The following LARP6 variants were observed in gnomAD, a reference collection of about 807,000 sequenced individuals.
LARP6 encodes the protein La ribonucleoprotein 6, translational regulator, also known as la-related protein 6.
A neutral mutation model predicts 32.8 loss-of-function variants in LARP6; 18 were observed. The ratio of observed to expected loss-of-function variants is 0.55; its 90% CI spans 0.38 to 0.81. The LOEUF is 0.81. Ranked by LOEUF, LARP6 falls within the 40% of genes least tolerant of loss-of-function variation. The probability of loss-of-function intolerance (pLI) is 0.00; values close to 1 mark genes in which losing one functional copy is unlikely to be tolerated. For synonymous variants in LARP6, 289 were observed against 267.2 expected (o/e 1.08, Z -0.80); for missense variants, 598 against 663.1 (o/e 0.90, Z 1.08).
rs1364066403 is a variant in LARP6, at chr15:70,836,435, C to T, written c.271G>A (p.Glu91Lys). The change falls in exon 2 of 3, where the codon GAG (glutamate) becomes AAG (lysine). Residue 91 changes from glutamate (E) to lysine (K), a missense_variant. By Grantham distance (56) the Glu-to-Lys change is moderately conservative. Around this residue, in one of 3 missense-constraint regions of LARP6, gnomAD observed 161 missense variants for 148.6 expected, o/e 1.08. Coordinates refer to ENST00000299213, the MANE Select transcript of LARP6 (RefSeq NM_018357.4). ...TGATCCACCAGTTTCTTGATCAACT[C>T]CTCATCCGGGGGCTTCCACTCCTGC... The part of the protein sequence containing the change: ...LEQEWKPPDE[E>K]LIKKLVDQIE... The T allele has an allele frequency of 6.2e-7, 1 of 1,614,166 alleles. No individual in the cohort carries two copies. Among genetic ancestry groups the T allele is most frequent in the Non-Finnish European group, 8.5e-7 (1 of 1,180,024 alleles).
chr15:70,831,109 C>A lies in LARP6; in HGVS notation c.*943G>T, dbSNP rs1183475798. 6.6e-6 allele frequency: 1 copy of A among 152,356 alleles called. No homozygotes were observed. Among genetic ancestry groups the A allele is most frequent in the East Asian group, 1.9e-4 (1 of 5,174 alleles). 9.4% of individuals were successfully genotyped at this position (152,356 alleles called of 1,614,324 possible). On this transcript the variant is annotated 3_prime_UTR_variant, in exon 3 of 3. Transcript: ENST00000299213. ...TAAAACCCAAATTCCAGGCCTTTCTCCCAGACTTTCTAATTCAGTGGGCCT... is the reference window on the plus strand; with the variant it reads ...TAAAACCCAAATTCCAGGCCTTTCTACCAGACTTTCTAATTCAGTGGGCCT...
At chr15:70,849,783 G>A (rs1358027386) in intron 1 of LARP6, 4 of 152,138 alleles carry the variant, frequency 2.6e-5, no homozygotes, top group African/African-American at 4.8e-5. Context: ...ATAAGCTTGA[G>A]GAAGAGCCCT....
rs566263431 is a variant in LARP6 at position 70,830,413 on chromosome 15, G to T, written c.*1639C>A. 3 of 152,356 alleles carry T rather than the reference G, an allele frequency of 2.0e-5. No homozygotes were observed. The South Asian group carries it at 6.2e-4, about 32-fold the overall frequency. 9.4% of individuals were successfully genotyped at this position (152,356 alleles called of 1,614,324 possible). On this transcript the variant is annotated 3_prime_UTR_variant, in exon 3 of 3. Coordinates refer to ENST00000299213, the MANE Select transcript of LARP6 (RefSeq NM_018357.4). ...ATGTGTCTAACCCAATGCCTAGCAC[G>T]TAGGAAGGTGCTGAATAAATATTAG...
chr15:70,836,637 G>C, intron 1 of LARP6, 132 bp from the exon 2 acceptor site: 1 of 699,860 alleles, frequency 1.4e-6, no homozygotes, highest in Non-Finnish European at 2.5e-6. Flanking sequence ...CACTGCAGAT[G>C]CAATTAATTA....
intron 1 of LARP6, among the ~76,000 whole-genome samples, chr15:70,837,538 G>T (rs1440500332): frequency 6.6e-6 from 1 of 152,204 alleles, no homozygotes; most frequent in Non-Finnish European, 1.5e-5. Context: ...GTATAGCAGA[G>T]TTACTTGACC....
chr15:70,840,205 A>C (rs2032226271), intron 1 of LARP6, among the ~76,000 whole-genome samples: 1 of 152,208 alleles, frequency 6.6e-6, no homozygotes, highest in African/African-American at 2.4e-5. Context: ...AACAAATTTC[A>C]CTTTATTAGG....
At position 70,832,994 on chromosome 15, in the gene LARP6, G is replaced by A. The variant is rs766611090; in HGVS notation, c.534C>T (p.Asn178=). 32 of 1,612,488 alleles carry A rather than the reference G, an allele frequency of 2.0e-5. No homozygotes were observed. In the South Asian group the frequency reaches 2.3e-4, roughly 12 times the overall value. The change falls in exon 3 of 3, where the codon AAC becomes AAT. Residue 178 remains asparagine, a synonymous_variant. Coordinates refer to ENST00000299213, the MANE Select transcript of LARP6 (RefSeq NM_018357.4). ...GGAGCATCTTGCTGGGGAGGTTCTC[G>A]TTGGGGAACAGTGGGACGGGGGTGG... The part of the protein sequence containing the change: ...RRTTPVPLFP[N]ENLPSKMLLV...
rs1249863891 is a variant in LARP6, at chr15:70,830,418, A to T, written c.*1634T>A. ...TCTAACCCAATGCCTAGCACGTAGG[A>T]AGGTGCTGAATAAATATTAGCACCT... On this transcript the variant is annotated 3_prime_UTR_variant, in exon 3 of 3. Coordinates refer to ENST00000299213, the MANE Select transcript of LARP6 (RefSeq NM_018357.4). 6 of 152,230 alleles carry T rather than the reference A, an allele frequency of 3.9e-5. No homozygotes were observed. In the East Asian group the frequency reaches 1.2e-3, roughly 29 times the overall value. 9.4% of individuals were successfully genotyped at this position (152,230 alleles called of 1,614,324 possible). A position where few individuals can be genotyped will look rare whatever the true frequency, so the allele number is the denominator to read the frequency against.
intron 1 of LARP6, among the ~76,000 whole-genome samples, chr15:70,845,292 C>G (rs1274401720): frequency 6.6e-6 from 1 of 152,170 alleles, no homozygotes; most frequent in Non-Finnish European, 1.5e-5. Context: ...ATTAAGCTGT[C>G]ATGTCTCCTG....
intron 1 of LARP6, among the ~76,000 whole-genome samples, chr15:70,850,233 GAA>G (rs1365603709): frequency 6.6e-6 from 1 of 152,148 alleles, no homozygotes; most frequent in Non-Finnish European, 1.5e-5. Context: ...TCCTATCAAA[GAA>G]AAGCTCAAGG....
Position 70,836,505 on chromosome 15 carries a change from A to G in LARP6, c.201T>C (p.Ser67=), listed in dbSNP as rs576300460. The G allele has an allele frequency of 5.0e-5, 81 of 1,613,422 alleles. No homozygotes were observed. The South Asian group carries it at 8.2e-4, about 16-fold the overall frequency. Residue 67 remains serine (S), a splice_region_variant and synonymous_variant, in exon 2 of 3, where the codon AGT becomes AGC. Coordinates refer to ENST00000299213, the MANE Select transcript of LARP6 (RefSeq NM_018357.4). ...TCTCACCTCCACTTGCAGTGGTGCC[A>G]CTGAGACCAGAAGGAGACACCGGGT... ...ASEEEPSRGH[S]GTTASGGENE... is the part of the protein sequence containing the mutation.
intron 1 of LARP6, among the ~76,000 whole-genome samples, chr15:70,838,392 C>T (rs1007547426): frequency 6.6e-6 from 1 of 152,136 alleles, no homozygotes; most frequent in South Asian, 2.1e-4. Flanking sequence ...TAGGCACAGA[C>T]AAATTCCTTC....
intron 1 of LARP6, chr15:70,851,892 T>G: frequency 9.9e-7 from 1 of 1,012,180 alleles, no homozygotes; most frequent in Non-Finnish European, 1.4e-6. Flanking sequence ...AATCAGTCAA[T>G]CAGAGGACCT....
chr15:70,853,834 C>A, intron 1 of LARP6, 55 bp downstream of exon 1: 5 of 1,185,952 alleles, frequency 4.2e-6, no homozygotes, highest in East Asian at 6.9e-5. Flanking sequence ...CCCGAACTCG[C>A]GCGCGGCCCG....
chr15:70,844,882 G>A (rs1450424391), intron 1 of LARP6, among the ~76,000 whole-genome samples: 2 of 152,116 alleles, frequency 1.3e-5, no homozygotes, highest in African/African-American at 4.8e-5. Flanking sequence ...ACATTTTTGA[G>A]TCTTTTGTTT....
In LARP6 at chr15:70,846,731, A is replaced by G. The variant is rs150779218; in HGVS notation, c.200+7158T>C. Among the ~76,000 whole-genome samples the G allele has an allele frequency of 1.1e-4, 17 of 152,204 alleles. No homozygotes were observed. The East Asian group carries it at 3.3e-3, about 29-fold the overall frequency. Reference sequence around the variant, plus strand: ...CTGGCTGTAACCAGCATCAAAACTTATTTCCATCGGTTTCCTTTCAGATCC... The same window carrying G: ...CTGGCTGTAACCAGCATCAAAACTTGTTTCCATCGGTTTCCTTTCAGATCC... On this transcript the variant is annotated intron_variant, in intron 1 of 2. Coordinates refer to ENST00000299213, the MANE Select transcript of LARP6 (RefSeq NM_018357.4).
At chr15:70,835,307 A>C (rs1039892637) in intron 2 of LARP6, among the ~76,000 whole-genome samples, 5 of 152,184 alleles carry the variant, frequency 3.3e-5, no homozygotes, top group Non-Finnish European at 7.3e-5. Context: ...CTTTTGTCCT[A>C]CTATATGTGG....
intron 2 of LARP6, among the ~76,000 whole-genome samples, chr15:70,834,899 G>C (rs1008831014): frequency 2.6e-5 from 4 of 152,194 alleles, no homozygotes; most frequent in African/African-American, 7.2e-5. Context: ...GAATGAAAAG[G>C]ATCTTTGCTC....
intron 1 of LARP6, among the ~76,000 whole-genome samples, chr15:70,847,233 T>C (rs1001353056): frequency 6.6e-6 from 1 of 152,246 alleles, no homozygotes; most frequent in Non-Finnish European, 1.5e-5. Flanking sequence ...AAGGTTTTGC[T>C]TTGTTTTGTT....
Sources: gnomAD v4.1 joint callset for allele counts (sites outside exome capture counted in the v4.1 genomes callset) on GRCh38, gnomAD v4.1.1 for gene constraint, gnomAD v4.1.1 regional missense constraint, MANE v1.5 for transcripts, NCBI Gene and HGNC (gene_info 2026-07-23, HGNC 2026-07-21) for gene names.